The following CHRM2 variants were observed in gnomAD, a reference collection of about 807,000 sequenced individuals.
CHRM2 encodes the protein muscarinic acetylcholine receptor M2.
In CHRM2, 8 loss-of-function variants were observed where a neutral mutation model predicts 25.0. That is an observed-to-expected ratio of 0.32 (90% CI 0.19 to 0.58). The LOEUF is 0.58. CHRM2 is among the 20% of genes least tolerant of loss of function. The probability of loss-of-function intolerance (pLI) is 0.88; values close to 1 mark genes in which losing one functional copy is unlikely to be tolerated. For missense variants in CHRM2, 440 were observed against 567.1 expected (o/e 0.78, Z 2.28); for synonymous variants, 202 against 205.7 (o/e 0.98, Z 0.15).
intron 2 of CHRM2, among the ~76,000 whole-genome samples, chr7:136,888,538 G>A (rs1480788414): frequency 6.6e-6 from 1 of 152,018 alleles, no homozygotes; most frequent in African/African-American, 2.4e-5. Flanking sequence ...TCACCCTGTT[G>A]GGCAAAAGGT....
At chr7:136,884,728 T>C (rs1220209492) in intron 2 of CHRM2, among the ~76,000 whole-genome samples, 2 of 152,158 alleles carry the variant, frequency 1.3e-5, no homozygotes, top group Non-Finnish European at 2.9e-5. Context: ...AAGAGGCGTT[T>C]GGAACTGTGA....
chr7:136,914,470 C>T (rs954931943), intron 2 of CHRM2, among the ~76,000 whole-genome samples: 5 of 151,948 alleles, frequency 3.3e-5, no homozygotes, highest in Non-Finnish European at 7.4e-5. Flanking sequence ...TCACTTTTCT[C>T]ACTTCTGAAT....
At chr7:136,882,641 C>A (rs1796310031) in intron 2 of CHRM2, among the ~76,000 whole-genome samples, 1 of 152,042 alleles carries the variant, frequency 6.6e-6, no homozygotes, top group Non-Finnish European at 1.5e-5. Context: ...CAAAGAAACT[C>A]TTTCTAGGTA....
In CHRM2 at chr7:137,016,629, T is replaced by C. The variant is rs549916917; in HGVS notation, c.*363T>C. On this transcript the variant is annotated 3_prime_UTR_variant, in exon 4 of 4. Transcript: ENST00000680005. Reference sequence around the variant, plus strand: ...TCCTTTTTTGTTACTTTTGTTGTTGTTGTTCTCATGTGTCCTTAAGAGAAG... The same window carrying C: ...TCCTTTTTTGTTACTTTTGTTGTTGCTGTTCTCATGTGTCCTTAAGAGAAG... 1.5e-5 allele frequency: 4 copies of C among 258,726 alleles called. No homozygotes were observed. The Admixed American group carries it at 2.0e-4, about 13-fold the overall frequency. 16.0% of individuals were successfully genotyped at this position (258,726 alleles called of 1,614,324 possible).
At chr7:137,009,787 A>G (rs2131104719) in intron 3 of CHRM2, among the ~76,000 whole-genome samples, 1 of 152,200 alleles carries the variant, frequency 6.6e-6, no homozygotes, top group Non-Finnish European at 1.5e-5. Flanking sequence ...GAGAGTAATT[A>G]TGCTCAAGAC....
chr7:136,977,219 A>T (rs1457323840), intron 2 of CHRM2, among the ~76,000 whole-genome samples: 1 of 152,066 alleles, frequency 6.6e-6, no homozygotes, highest in East Asian at 1.9e-4. Context: ...AATGTCCCCT[A>T]CAACTGATTC....
intron 2 of CHRM2, among the ~76,000 whole-genome samples, chr7:136,906,632 T>G (rs1797567990): frequency 6.6e-6 from 1 of 151,906 alleles, no homozygotes; most frequent in Admixed American, 6.6e-5. Flanking sequence ...AACAATTATT[T>G]AATACTAGTT....
At position 136,927,559 on chromosome 7, in the gene CHRM2, T is replaced by C. The variant is rs116315876; in HGVS notation, c.-125+58141T>C. Among the ~76,000 whole-genome samples, 966 of 152,284 alleles carry C rather than the reference T, an allele frequency of 6.3e-3. 6 individuals are homozygous for C. The highest frequency in any genetic ancestry group is 0.022 in the African/African-American group (911 of 41,552). ...AGAAATATTATTAAGTAAATTGTAC[T>C]CTTACAGATCTCTCAAGGAAGCATT... On this transcript the variant is annotated intron_variant, in intron 2 of 3. Transcript: ENST00000680005.
At chr7:136,920,241 T>C (rs907618899) in intron 2 of CHRM2, among the ~76,000 whole-genome samples, 1 of 152,136 alleles carries the variant, frequency 6.6e-6, no homozygotes, top group Non-Finnish European at 1.5e-5. Context: ...ACTCTGTGTG[T>C]CCCCTTAGTT....
At position 137,019,383 on chromosome 7, in the gene CHRM2, A is replaced by G. The variant is rs746677092; in HGVS notation, c.*3117A>G. 1 of 151,888 alleles carries G rather than the reference A, an allele frequency of 6.6e-6. No individual in the cohort carries two copies. The highest frequency in any genetic ancestry group is 1.5e-5 in the Non-Finnish European group (1 of 67,884). The allele number at this position is 151,888 out of a possible 1,614,324, so 9.4% of individuals were successfully genotyped here. A position where few individuals can be genotyped will look rare whatever the true frequency, so the allele number is the denominator to read the frequency against. ...CTTTTTTCCAGCATCTTAATGTTCA[A>G]TTATGATTGCCACAGATCTAGTCAA... On this transcript the variant is annotated 3_prime_UTR_variant, in exon 4 of 4. Coordinates refer to ENST00000680005, the MANE Select transcript of CHRM2 (RefSeq NM_001006630.2).
At position 136,916,834 on chromosome 7, in the gene CHRM2, T is replaced by C. The variant is rs986683071; in HGVS notation, c.-125+47416T>C. ...ATTTATTCTATCATTCTCCCTCTCT[T>C]TCTCTCTCTCTCTCTCTCTCTGTCA... On this transcript the variant is annotated intron_variant, in intron 2 of 3. Coordinates refer to ENST00000680005, the MANE Select transcript of CHRM2 (RefSeq NM_001006630.2). Among the ~76,000 whole-genome samples, 10 of 148,768 alleles carry C rather than the reference T, an allele frequency of 6.7e-5. No homozygotes were observed. In the South Asian group the frequency reaches 1.5e-3, roughly 22 times the overall value.
At chr7:136,988,358 G>T (rs1802995217) in intron 2 of CHRM2, among the ~76,000 whole-genome samples, 1 of 152,078 alleles carries the variant, frequency 6.6e-6, no homozygotes, top group South Asian at 2.1e-4. Flanking sequence ...CATGTAATCT[G>T]TAGAAAATCA....
intron 2 of CHRM2, among the ~76,000 whole-genome samples, chr7:136,977,091 T>C (rs764778447): frequency 6.6e-6 from 1 of 152,216 alleles, no homozygotes; most frequent in South Asian, 2.1e-4. Context: ...AGATAGAACA[T>C]CTGTTTGCTT....
chr7:136,937,216 C>G (rs1040721985), intron 2 of CHRM2, among the ~76,000 whole-genome samples: 1 of 152,114 alleles, frequency 6.6e-6, no homozygotes, highest in Non-Finnish European at 1.5e-5. Context: ...TTAAGTTATC[C>G]TTCCTGGTGA....
intron 2 of CHRM2, among the ~76,000 whole-genome samples, chr7:136,979,448 A>T (rs1389843914): frequency 1.3e-5 from 2 of 152,132 alleles, no homozygotes; most frequent in Non-Finnish European, 2.9e-5. Flanking sequence ...TCTTTAGTTT[A>T]ATTAGATCCC....
chr7:136,951,145 G>T (rs767753095), intron 2 of CHRM2: 1 of 152,126 alleles, frequency 6.6e-6, no homozygotes, highest in Non-Finnish European at 1.5e-5. Context: ...GGCCCCCTGG[G>T]TGAAGCTACT....
At chr7:136,883,795 T>C (rs1369418207) in intron 2 of CHRM2, among the ~76,000 whole-genome samples, 2 of 152,178 alleles carry the variant, frequency 1.3e-5, no homozygotes, top group Non-Finnish European at 2.9e-5. Flanking sequence ...GATTCAAACA[T>C]GAGCGACTGT....
intron 2 of CHRM2, among the ~76,000 whole-genome samples, chr7:136,953,468 A>T (rs1054931454): frequency 7.9e-5 from 12 of 152,184 alleles, no homozygotes; most frequent in Non-Finnish European, 1.3e-4. Flanking sequence ...TCATATGAGT[A>T]CTTTAATTTA....
In CHRM2 at chr7:137,016,555, T is replaced by C; in HGVS notation, c.*289T>C. On this transcript the variant is annotated 3_prime_UTR_variant, in exon 4 of 4. Transcript: ENST00000680005. The stretch of plus-strand genomic sequence containing the variant: ...TTCTCATAATCTCTTGAAGAAGGGC[T>C]TCTGATTCTACAATTTTATCAGTCT... The C allele has an allele frequency of 5.1e-6, 2 of 391,188 alleles. No individual in the cohort carries two copies. Among genetic ancestry groups the C allele is most frequent in the East Asian group, 5.5e-5 (1 of 18,198 alleles). The allele number at this position is 391,188 out of a possible 1,614,324, so 24.2% of individuals were successfully genotyped here.
Sources: gnomAD v4.1 joint callset for allele counts (sites outside exome capture counted in the v4.1 genomes callset) on GRCh38, gnomAD v4.1.1 for gene constraint, MANE v1.5 for transcripts, NCBI Gene and HGNC (gene_info 2026-07-23, HGNC 2026-07-21) for gene names.